Variants in SLTM observed in about 807,000 individuals in gnomAD.
SLTM encodes the protein SAFB like transcription modulator, also known as SAFB-like transcription modulator.
A neutral mutation model predicts 134.6 loss-of-function variants in SLTM; 43 were observed. That is an observed-to-expected ratio of 0.32 (90% CI 0.25 to 0.41). The LOEUF (loss-of-function observed/expected upper bound fraction) is 0.41, where lower values mean the gene tolerates loss of function less well. Ranked by LOEUF, SLTM falls within the 10% of genes least tolerant of loss-of-function variation. The pLI is 1.00. For missense variants in SLTM, 1,055 were observed against 1,288.8 expected (o/e 0.82, Z 2.78); for synonymous variants, 424 against 432.3 (o/e 0.98, Z 0.24).
In SLTM at chr15:58,892,934, G is replaced by C. The variant is rs766975777; in HGVS notation, c.1861C>G (p.Arg621Gly). 3.7e-6 allele frequency: 6 copies of C among 1,613,408 alleles called. No homozygotes were observed. The highest frequency in any genetic ancestry group is 5.1e-6 in the Non-Finnish European group (6 of 1,179,838). Residue 621 changes from arginine (R) to glycine (G), a missense_variant, in exon 14 of 21, where the codon CGT becomes GGT. Arg to Gly is a moderately radical substitution (Grantham distance 125). This residue lies in a region of SLTM where 776 missense variants were observed against 962.2 expected (regional missense o/e 0.81). Coordinates refer to ENST00000380516, the MANE Select transcript of SLTM (RefSeq NM_024755.4). Reference protein sequence around the residue: ...KEQRLREHLVRFERLRRAMEL... With the variant: ...KEQRLREHLVGFERLRRAMEL... Reference sequence around the variant, plus strand: ...ATTGCTCGTCGCAGCCTTTCAAAACGAACTAAATGTTCTCTCAACCTTTGT... The same window carrying C: ...ATTGCTCGTCGCAGCCTTTCAAAACCAACTAAATGTTCTCTCAACCTTTGT...
At chr15:58,885,224 A>AG (rs1368995536) in intron 19 of SLTM, among the ~76,000 whole-genome samples, 1 of 152,266 alleles carries the variant, frequency 6.6e-6, no homozygotes, top group African/African-American at 2.4e-5. Context: ...CAGAAACTGT[A>AG]GAACTAGAGA....
chr15:58,922,913 A>G (rs1320314712), intron 2 of SLTM, among the ~76,000 whole-genome samples: 1 of 151,922 alleles, frequency 6.6e-6, no homozygotes, highest in Non-Finnish European at 1.5e-5. Context: ...ATGGGGTTTC[A>G]CCAAGTTGGC....
At position 58,893,104 on chromosome 15, in the gene SLTM, G is replaced by T. The variant is rs762933852; in HGVS notation, c.1735-44C>A. 1.4e-5 allele frequency: 22 copies of T among 1,524,790 alleles called. No homozygotes were observed. In the East Asian group the frequency reaches 5.1e-4, roughly 35 times the overall value. The allele number at this position is 1,524,790 out of a possible 1,614,324, so 94.5% of individuals were successfully genotyped here. The stretch of plus-strand genomic sequence containing the variant: ...AGAACACTAGAAATTAAAATATTTT[G>T]GGGCTTTATTTTTCAAGTTTAGTAG... On this transcript the variant is annotated intron_variant, in intron 13 of 20. Coordinates refer to ENST00000380516, the MANE Select transcript of SLTM (RefSeq NM_024755.4).
At chr15:58,905,986 A>C (rs1269733915) in intron 5 of SLTM, among the ~76,000 whole-genome samples, 4 of 152,232 alleles carry the variant, frequency 2.6e-5, no homozygotes, top group African/African-American at 9.6e-5. Context: ...ATGTGGTTGG[A>C]GCACAAAAAC....
At chr15:58,923,047 A>C (rs1040419229) in intron 2 of SLTM, among the ~76,000 whole-genome samples, 1 of 152,044 alleles carries the variant, frequency 6.6e-6, no homozygotes, top group African/African-American at 2.4e-5. Context: ...ATAATGGAGT[A>C]AGTCCTATGC....
In SLTM at chr15:58,892,048, G is replaced by A. The variant is rs992574741; in HGVS notation, c.1898+849C>T. On this transcript the variant is annotated intron_variant, in intron 14 of 20. Coordinates refer to ENST00000380516, the MANE Select transcript of SLTM (RefSeq NM_024755.4). ...ACAAGGATTACTTCCTTTTAGTAAA[G>A]TTGTGTGTCAATTATTGTACAGAAT... Among the ~76,000 whole-genome samples the A allele has an allele frequency of 1.1e-4, 17 of 152,312 alleles. 2 individuals carry two copies. The highest frequency in any genetic ancestry group is 1.1e-3 in the Admixed American group (17 of 15,294).
chr15:58,927,992 A>G (rs999040514), intron 2 of SLTM, among the ~76,000 whole-genome samples: 2 of 152,234 alleles, frequency 1.3e-5, no homozygotes, highest in African/African-American at 2.4e-5. Context: ...GGTATTTTCC[A>G]CAAAAAATTA....
At chr15:58,932,743 T>C (rs1326803141) in intron 1 of SLTM, among the ~76,000 whole-genome samples, 1 of 152,246 alleles carries the variant, frequency 6.6e-6, no homozygotes, top group African/African-American at 2.4e-5. Flanking sequence ...GAAAAGTTGC[T>C]AGCTACTAAA....
intron 3 of SLTM, among the ~76,000 whole-genome samples, chr15:58,914,656 AC>A (rs1337540906): frequency 1.8e-4 from 27 of 152,198 alleles, no homozygotes; most frequent in Non-Finnish European, 3.5e-4. Flanking sequence ...AAGGGAAGTT[AC>A]CAAGGAAACT....
chr15:58,917,644 A>G (rs2036738148), intron 2 of SLTM, among the ~76,000 whole-genome samples: 1 of 152,250 alleles, frequency 6.6e-6, no homozygotes, highest in Non-Finnish European at 1.5e-5. Context: ...GCATGCAGAA[A>G]TTACTGCAGA....
intron 15 of SLTM, 60 bp from the exon 16 acceptor site, chr15:58,889,614 A>G: frequency 6.3e-7 from 1 of 1,598,342 alleles, no homozygotes; most frequent in Non-Finnish European, 8.5e-7. Flanking sequence ...AGATAAGTAT[A>G]CATGCAACCT....
intron 14 of SLTM, among the ~76,000 whole-genome samples, chr15:58,891,052 T>G (rs1397851479): frequency 6.6e-6 from 1 of 152,204 alleles, no homozygotes; most frequent in Non-Finnish European, 1.5e-5. Context: ...CTGAACTGAA[T>G]TGTTATTGTA....
chr15:58,892,164 C>G (rs566232049), intron 14 of SLTM, among the ~76,000 whole-genome samples: 2 of 152,184 alleles, frequency 1.3e-5, no homozygotes, highest in South Asian at 2.1e-4. Flanking sequence ...CTGGACAAGA[C>G]AGCTTAACAT....
intron 9 of SLTM, among the ~76,000 whole-genome samples, chr15:58,895,425 T>C (rs1458616775): frequency 7.9e-5 from 12 of 152,074 alleles, no homozygotes; most frequent in African/African-American, 2.9e-4. Flanking sequence ...TTGTGTAAGA[T>C]GGTTAGTTAA....
chr15:58,899,795 C>G lies in SLTM; in HGVS notation c.732G>C (p.Ser244=). The change falls in exon 7 of 21, where the codon TCG becomes TCC. Residue 244 remains serine (S), a synonymous_variant. Transcript: ENST00000380516. This position sits in a 1 kb window ranked among gnomAD's most constrained non-coding sequence, Gnocchi z 5.0. ...TGGCATCTTCAGCCTGGATTGTGAC[C>G]GAGATGTTGTCATCCTCAGCTTCTT... The part of the protein sequence containing the change: ...TVKEAEDDNI[S]VTIQAEDAIT... 6.2e-7 allele frequency: 1 copy of G among 1,614,056 alleles called. No homozygotes were observed. The highest frequency in any genetic ancestry group is 8.5e-7 in the Non-Finnish European group (1 of 1,180,000).
In SLTM at chr15:58,907,789, CTGAG is replaced by C. The variant is rs541272129; in HGVS notation, c.561+4770_561+4773del. On this transcript the variant is annotated intron_variant, in intron 5 of 20. Transcript: ENST00000380516. ...AATCTATGATTAATCCCTATATCAA[CTGAG>C]TAAGAATTATAATCATTTTGTAGAC... Among the ~76,000 whole-genome samples the C allele has an allele frequency of 2.2e-4, 33 of 152,206 alleles. No homozygotes were observed. In the South Asian group the frequency reaches 3.7e-3, roughly 17 times the overall value.
intron 2 of SLTM, among the ~76,000 whole-genome samples, chr15:58,921,771 C>CT (rs557129334): frequency 6.6e-6 from 1 of 151,770 alleles, no homozygotes; most frequent in Non-Finnish European, 1.5e-5. Flanking sequence ...TTGTTAACTT[C>CT]TTTTTTTCTT....
In SLTM at chr15:58,931,688, A is replaced by G. The variant is rs115443586; in HGVS notation, c.250+668T>C. ...GTTCCATTCATACTGCAAAACGTTCATTTAAAACCACTTTTAGCTAGTCAC... is the reference window on the plus strand; with the variant it reads ...GTTCCATTCATACTGCAAAACGTTCGTTTAAAACCACTTTTAGCTAGTCAC... On this transcript the variant is annotated intron_variant, in intron 2 of 20. Transcript: ENST00000380516. Among the ~76,000 whole-genome samples the G allele has an allele frequency of 1.1e-3, 164 of 152,344 alleles. 1 individual carries two copies. Among genetic ancestry groups the G allele is most frequent in the African/African-American group, 3.8e-3 (158 of 41,588 alleles).
intron 6 of SLTM, 66 bp from the exon 7 acceptor site, chr15:58,900,003 C>A (rs1281687346): frequency 7.9e-7 from 1 of 1,263,970 alleles, no homozygotes; most frequent in Non-Finnish European, 1.1e-6. Context: ...TATTCATAAG[C>A]TAGAATAGGA....
Sources: gnomAD v4.1 joint callset for allele counts (sites outside exome capture counted in the v4.1 genomes callset) on GRCh38, gnomAD v4.1.1 for gene constraint, gnomAD v4.1.1 regional missense constraint, Gnocchi (gnomAD v3.1) non-coding constraint, MANE v1.5 for transcripts, NCBI Gene and HGNC (gene_info 2026-07-23, HGNC 2026-07-21) for gene names.